Variants in TYW1 observed in about 807,000 individuals in gnomAD.
TYW1 encodes the protein tRNA-yW synthesizing protein 1 homolog.
A neutral mutation model predicts 96.2 loss-of-function variants in TYW1; 46 were observed. The ratio of observed to expected loss-of-function variants is 0.48; its 90% CI spans 0.38 to 0.61. The LOEUF is 0.61. Ranked by LOEUF, TYW1 falls within the 20% of genes least tolerant of loss-of-function variation. The pLI, the probability that TYW1 is intolerant of heterozygous loss-of-function variation, is 0.00. For synonymous variants in TYW1, 274 were observed against 323.0 expected (o/e 0.85, Z 1.63); for missense variants, 684 against 909.6 (o/e 0.75, Z 3.19).
At chr7:67,156,213 G>C (rs1199157980) in intron 13 of TYW1, among the ~76,000 whole-genome samples, 2 of 152,212 alleles carry the variant, frequency 1.3e-5, no homozygotes, top group Admixed American at 6.5e-5. Flanking sequence ...GCAGTCATGG[G>C]CTGGGCCTGT....
At chr7:67,087,830 C>A (rs1291597080) in intron 11 of TYW1, among the ~76,000 whole-genome samples, 1 of 150,964 alleles carries the variant, frequency 6.6e-6, no homozygotes, top group South Asian at 2.1e-4. Context: ...CATAAGGGAG[C>A]CTCATTTGTT....
At chr7:67,210,177 T>G (rs1326408135) in intron 15 of TYW1, among the ~76,000 whole-genome samples, 2 of 152,214 alleles carry the variant, frequency 1.3e-5, no homozygotes, top group African/African-American at 4.8e-5. Context: ...ACTTTCCTTA[T>G]TTTTGATGAC....
rs192013353 is a variant in TYW1 at position 67,103,401 on chromosome 7, A to T, written c.1562+4683A>T. On this transcript the variant is annotated intron_variant, in intron 12 of 15. Coordinates refer to ENST00000359626, the MANE Select transcript of TYW1 (RefSeq NM_018264.4). ...TTTGAATTATCTAGAAAAAACTTCA[A>T]AAACAAAATGATTAGGATTGCCATG... Among the ~76,000 whole-genome samples the T allele has an allele frequency of 2.2e-3, 341 of 152,364 alleles. 1 individual carries two copies. The highest frequency in any genetic ancestry group is 7.5e-3 in the African/African-American group (311 of 41,584).
At chr7:67,157,656 C>A (rs1437090335) in intron 13 of TYW1, among the ~76,000 whole-genome samples, 1 of 152,106 alleles carries the variant, frequency 6.6e-6, no homozygotes, top group Non-Finnish European at 1.5e-5. Context: ...AACGGATGCC[C>A]CTTTTATATT....
At chr7:67,235,912 A>AAGAAG (rs1554398575) in intron 15 of TYW1, among the ~76,000 whole-genome samples, 1 of 142,544 alleles carries the variant, frequency 7.0e-6, no homozygotes, top group Non-Finnish European at 1.5e-5. Context: ...AAAAAAAAAG[A>AAGAAG]AAAAGAGGTG....
intron 14 of TYW1, among the ~76,000 whole-genome samples, chr7:67,189,470 T>G (rs1254230714): frequency 6.6e-6 from 1 of 152,024 alleles, no homozygotes; most frequent in Non-Finnish European, 1.5e-5. Flanking sequence ...TGTTTGTGTG[T>G]GTCTGTCCGT....
chr7:67,121,391 A>G (rs1305053194), intron 13 of TYW1, among the ~76,000 whole-genome samples: 1 of 152,128 alleles, frequency 6.6e-6, no homozygotes, highest in Non-Finnish European at 1.5e-5. Context: ...CAAAAAAACA[A>G]TTAGCCAGGA....
At chr7:67,124,330 C>T (rs1184065347) in intron 13 of TYW1, among the ~76,000 whole-genome samples, 1 of 152,082 alleles carries the variant, frequency 6.6e-6, no homozygotes, top group Non-Finnish European at 1.5e-5. Context: ...AACTCCTGGA[C>T]TCAAGCAATC....
chr7:67,178,449 T>C (rs1367355015), intron 13 of TYW1, among the ~76,000 whole-genome samples: 1 of 152,212 alleles, frequency 6.6e-6, no homozygotes, highest in Non-Finnish European at 1.5e-5. Flanking sequence ...CACAGTAGCA[T>C]TTTATAAAAT....
chr7:67,198,718 T>G (rs2116353832), intron 15 of TYW1, among the ~76,000 whole-genome samples: 1 of 152,330 alleles, frequency 6.6e-6, no homozygotes, highest in Non-Finnish European at 1.5e-5. Context: ...GTTTGTGAGC[T>G]AAATGTGGCC....
rs34689121 is a variant in TYW1 at position 67,102,708 on chromosome 7, G to A, written c.1562+3990G>A. On this transcript the variant is annotated intron_variant, in intron 12 of 15. Transcript: ENST00000359626. The stretch of plus-strand genomic sequence containing the variant: ...GCTCCGTCACCCAGGCTAGAGTGCA[G>A]TGGCGCCATCTCGGCTCACTACAAG... Among the ~76,000 whole-genome samples the A allele has an allele frequency of 5.2e-3, 790 of 151,948 alleles. 3 individuals carry two copies. Among genetic ancestry groups the A allele is most frequent in the African/African-American group, 5.9e-3 (243 of 41,444 alleles).
chr7:67,127,528 C>T (rs1267536575), intron 13 of TYW1, among the ~76,000 whole-genome samples: 5 of 152,098 alleles, frequency 3.3e-5, no homozygotes, highest in Non-Finnish European at 7.4e-5. Context: ...ACTCATTTTA[C>T]TTATACATAG....
chr7:67,069,867 T>C (rs1001077765), intron 10 of TYW1, among the ~76,000 whole-genome samples: 3 of 152,250 alleles, frequency 2.0e-5, no homozygotes, highest in Non-Finnish European at 4.4e-5. Context: ...GTCTGTTTAG[T>C]GTCCTTTCAT....
chr7:67,153,323 G>T (rs1180325347), intron 13 of TYW1, among the ~76,000 whole-genome samples: 1 of 152,164 alleles, frequency 6.6e-6, no homozygotes, highest in Non-Finnish European at 1.5e-5. Flanking sequence ...GGGTGTTGTG[G>T]TGCACATCTA....
chr7:67,174,946 A>G (rs1799623842), intron 13 of TYW1, among the ~76,000 whole-genome samples: 1 of 152,170 alleles, frequency 6.6e-6, no homozygotes, highest in African/African-American at 2.4e-5. Flanking sequence ...AAGCTTAAGA[A>G]AATTAATACT....
chr7:67,094,096 A>G (rs959111234), intron 11 of TYW1, among the ~76,000 whole-genome samples: 4 of 151,854 alleles, frequency 2.6e-5, no homozygotes, highest in Non-Finnish European at 5.9e-5. Flanking sequence ...AGAACGTGTG[A>G]TATTTGATGT....
At chr7:67,114,121 C>T (rs1315610181) in intron 12 of TYW1, among the ~76,000 whole-genome samples, 1 of 152,104 alleles carries the variant, frequency 6.6e-6, no homozygotes, top group African/African-American at 2.4e-5. Context: ...GTAAATAATT[C>T]TCTCCTTCTC....
At chr7:67,192,671 T>C (rs1044046730) in intron 14 of TYW1, among the ~76,000 whole-genome samples, 2 of 152,238 alleles carry the variant, frequency 1.3e-5, no homozygotes, top group Non-Finnish European at 2.9e-5. Context: ...ATTTGCCTTT[T>C]TTATTCACCT....
chr7:67,064,630 C>T lies in TYW1; in HGVS notation c.1156-2655C>T, dbSNP rs575471812. The stretch of plus-strand genomic sequence containing the variant: ...AAGTGGAAACCCCTGATAAACCCAT[C>T]GGATCTTGTGAGACTTATTCACTAT... On this transcript the variant is annotated intron_variant, in intron 9 of 15. Transcript: ENST00000359626. Among the ~76,000 whole-genome samples the T allele has an allele frequency of 7.2e-5, 11 of 152,240 alleles. No individual in the cohort carries two copies. In the East Asian group the frequency reaches 1.2e-3, roughly 16 times the overall value.
Sources: allele counts gnomAD v4.1 joint callset (sites outside exome capture counted in the v4.1 genomes callset), GRCh38; gene constraint gnomAD v4.1.1; transcripts MANE v1.5; gene names NCBI Gene and HGNC (gene_info 2026-07-23, HGNC 2026-07-21).